The following CCM2L variants were observed in gnomAD, a reference collection of about 807,000 sequenced individuals.
CCM2L encodes cerebral cavernous malformations 2 protein-like.
CCM2L carries 36 observed loss-of-function variants against 54.1 expected under a neutral mutation model. That is an observed-to-expected ratio of 0.67 (90% CI 0.51 to 0.88). The LOEUF (loss-of-function observed/expected upper bound fraction) is 0.88. Ranked by LOEUF, CCM2L falls within the 40% of genes least tolerant of loss-of-function variation. The pLI, the probability that CCM2L is intolerant of heterozygous loss-of-function variation, is 0.00. For synonymous variants in CCM2L, 351 were observed against 359.3 expected (o/e 0.98, Z 0.26); for missense variants, 700 against 812.1 (o/e 0.86, Z 1.68).
In CCM2L at chr20:32,029,921, G is replaced by A. The variant is rs942944328; in HGVS notation, c.1402+83G>A. On this transcript the variant is annotated intron_variant, in intron 9 of 9. Transcript: ENST00000452892. ...CCCAGTCAGGCACCAGGCTGCAAATGTTTTCTCCTTATCTTTCAGCCTCTG... is the reference window on the plus strand; with the variant it reads ...CCCAGTCAGGCACCAGGCTGCAAATATTTTCTCCTTATCTTTCAGCCTCTG... 1.7e-5 allele frequency: 24 copies of A among 1,410,202 alleles called. No individual in the cohort carries two copies. The African/African-American group carries it at 3.4e-4, about 20-fold the overall frequency. 87.4% of individuals were successfully genotyped at this position (1,410,202 alleles called of 1,614,324 possible).
At chr20:32,014,535 G>T (rs2064722100) in intron 1 of CCM2L, among the ~76,000 whole-genome samples, 1 of 152,080 alleles carries the variant, frequency 6.6e-6, no homozygotes, top group Non-Finnish European at 1.5e-5. Context: ...CAAAGTGCTG[G>T]GATTACAGGT....
rs778497359 is a variant in CCM2L at position 32,029,101 on chromosome 20, C to A, written c.1240C>A (p.Gln414Lys). Residue 414 changes from glutamine (Q) to lysine (K), a missense_variant, in exon 8 of 10, where the codon CAG (glutamine) becomes AAG (lysine). Coordinates refer to ENST00000452892, the MANE Select transcript of CCM2L (RefSeq NM_001365692.1). ...GSDHSSLGLE[Q>K]LQDYMVTLRS... The stretch of plus-strand genomic sequence containing the variant: ...CGACCACAGCAGTCTGGGCTTGGAG[C>A]AGTTACAGGATTACATGGTCACGGT... 4 of 1,614,192 alleles carry A rather than the reference C, an allele frequency of 2.5e-6. No homozygotes were observed. Among genetic ancestry groups the A allele is most frequent in the Non-Finnish European group, 3.4e-6 (4 of 1,180,032 alleles).
intron 9 of CCM2L, among the ~76,000 whole-genome samples, chr20:32,030,687 T>G (rs1568929009): frequency 1.3e-5 from 2 of 151,368 alleles, no homozygotes; most frequent in East Asian, 1.9e-4. Context: ...ATACAAAAAT[T>G]AGCAGGGCGT....
chr20:32,020,849 C>T (rs905126257), intron 5 of CCM2L, among the ~76,000 whole-genome samples: 2 of 152,000 alleles, frequency 1.3e-5, no homozygotes, highest in African/African-American at 2.4e-5. Context: ...CCAGGCATAG[C>T]GGCGGGTGCC....
At chr20:32,017,477 C>A (rs1251582531) in intron 2 of CCM2L, among the ~76,000 whole-genome samples, 1 of 152,130 alleles carries the variant, frequency 6.6e-6, no homozygotes, top group African/African-American at 2.4e-5. Flanking sequence ...GCAATATAAG[C>A]CAGCAGTTGA....
intron 5 of CCM2L, among the ~76,000 whole-genome samples, chr20:32,020,689 A>T (rs2064797243): frequency 6.6e-6 from 1 of 152,106 alleles, no homozygotes; most frequent in African/African-American, 2.4e-5. Flanking sequence ...TCTGTCAATA[A>T]ATCCTGTTGG....
intron 1 of CCM2L, 135 bp downstream of exon 1, chr20:32,010,619 C>G: frequency 1.2e-6 from 1 of 817,554 alleles, no homozygotes; most frequent in South Asian, 1.6e-5. Context: ...AAGTAACTTC[C>G]TTCCCACTCT....
At position 32,019,209 on chromosome 20, in the gene CCM2L, G is replaced by T. The variant is rs981840317; in HGVS notation, c.733G>T (p.Gly245Cys). 8 of 1,148,862 alleles carry T rather than the reference G, an allele frequency of 7.0e-6. No homozygotes were observed. Among genetic ancestry groups the T allele is most frequent in the Non-Finnish European group, 7.6e-6 (7 of 922,796 alleles). The allele number at this position is 1,148,862 out of a possible 1,614,324, so 71.2% of individuals were successfully genotyped here. Residue 245 changes from glycine (G) to cysteine (C), a missense_variant, in exon 5 of 10, where the codon GGC (glycine) becomes TGC (cysteine). Gly to Cys is a radical substitution (Grantham distance 159). Transcript: ENST00000452892. ...GSWERRQTFS[G>C]SWERRHGGGG... ...CTGGGAGCGACGGCAGACGTTCAGC[G>T]GCAGCTGGGAGCGGCGGCACGGAGG... is the stretch of plus-strand genomic sequence containing the variant.
chr20:32,018,954 G>C lies in CCM2L; in HGVS notation c.478G>C (p.Asp160His). The change falls in exon 5 of 10, where the codon GAC (aspartate) becomes CAC (histidine). Residue 160 changes from aspartate (D) to histidine (H), a missense_variant. Asp to His is a moderately conservative substitution (Grantham distance 81). Coordinates refer to ENST00000452892, the MANE Select transcript of CCM2L (RefSeq NM_001365692.1). ...LLVLKTGLGV[D>H]PVPAGVDASP... is the part of the protein sequence containing the mutation. ...CCGGACTCTCCTAGGTCTGGGTGTG[G>C]ACCCGGTGCCGGCCGGCGTGGATGC... 7.1e-7 allele frequency: 1 copy of C among 1,400,386 alleles called. No individual in the cohort carries two copies. Among genetic ancestry groups the C allele is most frequent in the Non-Finnish European group, 9.2e-7 (1 of 1,081,366 alleles). 86.7% of individuals were successfully genotyped at this position (1,400,386 alleles called of 1,614,324 possible).
intron 2 of CCM2L, 31 bp downstream of exon 2, chr20:32,015,102 C>A: frequency 6.9e-7 from 1 of 1,456,642 alleles, no homozygotes; most frequent in South Asian, 1.5e-5. Flanking sequence ...GGTGGGAAAA[C>A]CTTGGGGTGA....
At position 32,019,232 on chromosome 20, in the gene CCM2L, A is replaced by AGGCGGCGGC. The variant is rs749268099; in HGVS notation, c.770_778dup (p.Gly257_Gly259dup). On this transcript the variant is annotated inframe_insertion, in exon 5 of 10. Transcript: ENST00000452892. ...GCGGCAGCTGGGAGCGGCGGCACGG[A>AGGCGGCGGC]GGCGGCGGCGGCGGCGGCGGCGCGG... 3.2e-4 allele frequency: 368 copies of AGGCGGCGGC among 1,153,804 alleles called. No homozygotes were observed. The African/African-American group carries it at 4.4e-3, about 14-fold the overall frequency. The allele number at this position is 1,153,804 out of a possible 1,614,324, so 71.5% of individuals were successfully genotyped here. A position where few individuals can be genotyped will look rare whatever the true frequency, so the allele number is the denominator to read the frequency against.
chr20:32,012,577 G>A (rs368710344), intron 1 of CCM2L, among the ~76,000 whole-genome samples: 1 of 152,186 alleles, frequency 6.6e-6, no homozygotes, highest in Non-Finnish European at 1.5e-5. Flanking sequence ...TACTCAAAGC[G>A]TGGTGCACAG....
At chr20:32,029,912 G>A (rs2064905172) in intron 9 of CCM2L, 74 bp downstream of exon 9, 1 of 1,434,586 alleles carries the variant, frequency 7.0e-7, no homozygotes, top group Non-Finnish European at 9.2e-7. Flanking sequence ...CAGGCACCAG[G>A]CTGCAAATGT....
intron 1 of CCM2L, among the ~76,000 whole-genome samples, chr20:32,010,893 G>A (rs1191492455): frequency 2.0e-5 from 3 of 152,140 alleles, no homozygotes; most frequent in Non-Finnish European, 4.4e-5. Flanking sequence ...GGGCAATTCC[G>A]ATAGGATGTT....
At chr20:32,018,542 T>A (rs1389390771) in intron 4 of CCM2L, among the ~76,000 whole-genome samples, 2 of 143,490 alleles carry the variant, frequency 1.4e-5, no homozygotes, top group African/African-American at 5.2e-5. Context: ...GGGGCCTGAT[T>A]CCAGGGGCGG....
In CCM2L at chr20:32,022,792, C is replaced by T. The variant is rs770540314; in HGVS notation, c.1066C>T (p.Arg356Cys). The T allele has an allele frequency of 4.6e-5, 74 of 1,612,762 alleles. 3 individuals are homozygous for T. The East Asian group carries it at 1.5e-3, about 32-fold the overall frequency. Reference protein sequence around the residue: ...STPERPWLCSRSESCHTDGTY... With the variant: ...STPERPWLCSCSESCHTDGTY... ...ACCTGAACGGCCATGGCTCTGCAGC[C>T]GCAGTGAGTACCAGAACTCCTGGCC... Residue 356 changes from arginine to cysteine, a missense_variant, in exon 6 of 10, where the codon CGC becomes TGC. By Grantham distance (180) the Arg-to-Cys change is radical. Coordinates refer to ENST00000452892, the MANE Select transcript of CCM2L (RefSeq NM_001365692.1).
At chr20:32,014,337 G>A (rs182403126) in intron 1 of CCM2L, among the ~76,000 whole-genome samples, 1 of 147,796 alleles carries the variant, frequency 6.8e-6, no homozygotes, top group East Asian at 2.0e-4. Flanking sequence ...TTGGCTCACT[G>A]CAACCTCTGC....
At chr20:32,026,156 C>CA (rs1371631739) in intron 7 of CCM2L, among the ~76,000 whole-genome samples, 1 of 152,202 alleles carries the variant, frequency 6.6e-6, no homozygotes, top group Admixed American at 6.5e-5. Flanking sequence ...GGTTCTCTCC[C>CA]AGTCATCCAG....
Position 32,010,503 on chromosome 20 carries a change from G to A in CCM2L, c.30+19G>A. ...GAAGAAGGTAGGTGGGAGGTTGGGA[G>A]GGACGAAGGGAGAGGAATGTCCCCA... On this transcript the variant is annotated intron_variant, in intron 1 of 9. Coordinates refer to ENST00000452892, the MANE Select transcript of CCM2L (RefSeq NM_001365692.1). 6.5e-7 allele frequency: 1 copy of A among 1,549,358 alleles called. No individual in the cohort carries two copies. Among genetic ancestry groups the A allele is most frequent in the South Asian group, 1.2e-5 (1 of 83,950 alleles).
Sources: gnomAD v4.1 joint callset for allele counts (sites outside exome capture counted in the v4.1 genomes callset) on GRCh38, gnomAD v4.1.1 for gene constraint, MANE v1.5 for transcripts, NCBI Gene and HGNC (gene_info 2026-07-23, HGNC 2026-07-21) for gene names.